Variants in COPG2 observed in about 807,000 individuals in gnomAD.
COPG2 encodes coat protein complex I subunit gamma 2.
A neutral mutation model predicts 46.3 loss-of-function variants in COPG2; 37 were observed. The observed-to-expected ratio is 0.80, with a 90% CI of 0.61 to 1.05. COPG2 has a LOEUF of 1.05. COPG2 is among the 50% of genes least tolerant of loss of function. The probability of loss-of-function intolerance (pLI) is 0.00; values close to 1 mark genes in which losing one functional copy is unlikely to be tolerated. For missense variants in COPG2, 427 were observed against 387.8 expected (o/e 1.10, Z -0.85); for synonymous variants, 159 against 129.7 (o/e 1.23, Z -1.53).
At chr7:130,629,671 C>T (rs1290791504) in intron 5 of COPG2, among the ~76,000 whole-genome samples, 3 of 152,192 alleles carry the variant, frequency 2.0e-5, no homozygotes, top group Admixed American at 1.3e-4. Context: ...GCTGGGATTA[C>T]AAGTTTGCGC....
intron 5 of COPG2, among the ~76,000 whole-genome samples, chr7:130,622,976 G>A (rs575744790): frequency 9.2e-5 from 14 of 152,222 alleles, no homozygotes; most frequent in South Asian, 2.1e-4. Flanking sequence ...CTATGAGTAC[G>A]GTAGCACTTT....
chr7:130,570,651 C>T (rs1297601374), intron 9 of COPG2, among the ~76,000 whole-genome samples: 4 of 152,012 alleles, frequency 2.6e-5, no homozygotes, highest in African/African-American at 4.8e-5. Context: ...ACATAATTCC[C>T]ATCAAAATAC....
At chr7:130,533,681 G>A (rs2116362319) in intron 20 of COPG2, among the ~76,000 whole-genome samples, 1 of 152,208 alleles carries the variant, frequency 6.6e-6, no homozygotes, top group Non-Finnish European at 1.5e-5. Flanking sequence ...AGCTGGCAGT[G>A]GCAACAACAG....
At chr7:130,517,093 C>A (rs1242931860) in intron 20 of COPG2, among the ~76,000 whole-genome samples, 2 of 151,606 alleles carry the variant, frequency 1.3e-5, no homozygotes, top group Admixed American at 6.6e-5. Flanking sequence ...TTCTCTGGGG[C>A]AAAATGAGGA....
At chr7:130,578,286 T>C (rs1794054090) in intron 9 of COPG2, among the ~76,000 whole-genome samples, 1 of 148,962 alleles carries the variant, frequency 6.7e-6, no homozygotes, top group African/African-American at 2.5e-5. Context: ...CAGCTGAGGG[T>C]CCTGTCTGTT....
chr7:130,508,039 C>A, intron 21 of COPG2: 1 of 514,612 alleles, frequency 1.9e-6, no homozygotes, highest in Non-Finnish European at 3.5e-6. Context: ...CATCTGTAGC[C>A]CTGAGGTACA....
At chr7:130,611,576 C>T (rs1794850030) in intron 8 of COPG2, among the ~76,000 whole-genome samples, 1 of 152,112 alleles carries the variant, frequency 6.6e-6, no homozygotes, top group Non-Finnish European at 1.5e-5. Flanking sequence ...GAGAGTGTTT[C>T]CCAAGGGAAA....
intron 9 of COPG2, among the ~76,000 whole-genome samples, chr7:130,596,058 T>A (rs1563054155): frequency 6.6e-6 from 1 of 152,202 alleles, no homozygotes; most frequent in Non-Finnish European, 1.5e-5. Context: ...GGCTTTGACC[T>A]ACACCTGAGC....
chr7:130,641,818 G>A (rs1554457352), intron 5 of COPG2, among the ~76,000 whole-genome samples: 1 of 152,102 alleles, frequency 6.6e-6, no homozygotes, highest in African/African-American at 2.4e-5. Context: ...GTTTCCTTAG[G>A]AAGCACAAAG....
chr7:130,532,584 T>G, intron 20 of COPG2, among the ~76,000 whole-genome samples: 2 of 150,708 alleles, frequency 1.3e-5, no homozygotes, highest in Middle Eastern at 3.4e-3. Context: ...TGGGGGGAGA[T>G]AAGAGTGAGT....
chr7:130,640,033 G>A (rs905523540), intron 5 of COPG2, among the ~76,000 whole-genome samples: 1 of 151,914 alleles, frequency 6.6e-6, no homozygotes, highest in Non-Finnish European at 1.5e-5. Flanking sequence ...CATTGCTGTC[G>A]TATCCTAGTA....
At chr7:130,590,979 G>A (rs1794395413) in intron 9 of COPG2, among the ~76,000 whole-genome samples, 1 of 148,678 alleles carries the variant, frequency 6.7e-6, no homozygotes, top group Non-Finnish European at 1.5e-5. Flanking sequence ...CCTCCGCCCG[G>A]CAGCCACCCC....
intron 17 of COPG2, among the ~76,000 whole-genome samples, chr7:130,550,185 T>C (rs1211159442): frequency 6.6e-6 from 1 of 151,802 alleles, no homozygotes; most frequent in Non-Finnish European, 1.5e-5. Context: ...CCGAGGTGGG[T>C]GGATCACCTG....
At chr7:130,556,310 G>A (rs1176376290) in intron 12 of COPG2, among the ~76,000 whole-genome samples, 37 of 152,198 alleles carry the variant, frequency 2.4e-4, no homozygotes, top group African/African-American at 8.7e-4. Flanking sequence ...CCTTTAGAGG[G>A]AGACATGATC....
chr7:130,526,840 G>C (rs1299937023), intron 20 of COPG2, among the ~76,000 whole-genome samples: 2 of 148,280 alleles, frequency 1.3e-5, no homozygotes, highest in African/African-American at 5.0e-5. Flanking sequence ...GTGGGGATGG[G>C]GTTCGGGGTG....
At chr7:130,668,345 G>A (rs1308215341) in intron 1 of COPG2, among the ~76,000 whole-genome samples, 1 of 150,710 alleles carries the variant, frequency 6.6e-6, no homozygotes, top group South Asian at 2.1e-4. Context: ...CCGCGCGCAG[G>A]GGAGGAGGCG....
In COPG2 at chr7:130,563,324, A is replaced by G. The variant is rs2116404425; in HGVS notation, c.884T>C (p.Phe295Ser). The G allele has an allele frequency of 2.5e-6, 1 of 398,176 alleles. No individual in the cohort carries two copies. The highest frequency in any genetic ancestry group is 2.1e-5 in the African/African-American group (1 of 48,716). The allele number at this position is 398,176 out of a possible 1,614,324, so 24.7% of individuals were successfully genotyped here. The part of the protein sequence containing the change: ...LAPAVSVLQL[F>S]CSSPKPALRY... ...CAAGGCTGGCTTAGGAGAACTACAG[A>G]AAAGTTGAAGAACTAAAAAAAAATA... Residue 295 changes from phenylalanine (F) to serine (S), a missense_variant, in exon 11 of 24, where the codon TTC becomes TCC. Phe to Ser is a radical substitution (Grantham distance 155, BLOSUM62 -2). Transcript: ENST00000425248.
intron 9 of COPG2, among the ~76,000 whole-genome samples, chr7:130,609,822 T>C (rs1374943768): frequency 1.3e-5 from 2 of 152,222 alleles, no homozygotes; most frequent in African/African-American, 4.8e-5. Flanking sequence ...TTTGATATTG[T>C]ATTTTTTGGT....
intron 9 of COPG2, chr7:130,610,557 T>G (rs782385478): frequency 1.9e-6 from 1 of 521,928 alleles, no homozygotes. Flanking sequence ...TGGTCACATC[T>G]TATGTGCCTC....
Sources: gnomAD v4.1 joint callset for allele counts (sites outside exome capture counted in the v4.1 genomes callset) on GRCh38, gnomAD v4.1.1 for gene constraint, MANE v1.5 for transcripts, NCBI Gene and HGNC (gene_info 2026-07-23, HGNC 2026-07-21) for gene names.